Variants in TAFA5 observed in about 807,000 individuals in gnomAD.
TAFA5 encodes TAFA chemokine like family member 5, also known as chemokine-like protein TAFA-5.
In TAFA5, 6 loss-of-function variants were observed where a neutral mutation model predicts 15.3. The observed-to-expected ratio is 0.39, with a 90% confidence interval of 0.21 to 0.77. The LOEUF is 0.77. TAFA5 is among the 30% of genes least tolerant of loss of function. The pLI is 0.41. For synonymous variants in TAFA5, 103 were observed against 80.7 expected (o/e 1.28, Z -1.48); for missense variants, 161 against 193.1 (o/e 0.83, Z 0.98).
chr22:48,603,268 G>A (rs1925041189), intron 1 of TAFA5, among the ~76,000 whole-genome samples: 2 of 152,384 alleles, frequency 1.3e-5, no homozygotes, highest in East Asian at 1.9e-4. Flanking sequence ...TTGAGTGCCC[G>A]GAGGCTGCTC....
intron 1 of TAFA5, among the ~76,000 whole-genome samples, chr22:48,520,093 G>A (rs570842331): frequency 8.5e-5 from 13 of 152,320 alleles, no homozygotes; most frequent in Non-Finnish European, 1.8e-4. Flanking sequence ...TGGAGATGGG[G>A]GTGACGGGCC....
chr22:48,591,014 G>A (rs1924548510), intron 1 of TAFA5, among the ~76,000 whole-genome samples: 2 of 152,078 alleles, frequency 1.3e-5, no homozygotes, highest in African/African-American at 4.8e-5. Context: ...ACCACGCCCA[G>A]CTAATTTTTG....
intron 1 of TAFA5, among the ~76,000 whole-genome samples, chr22:48,631,830 C>T (rs1005101283): frequency 1.3e-5 from 2 of 152,148 alleles, no homozygotes; most frequent in African/African-American, 4.8e-5. Flanking sequence ...AGCAGGGGGC[C>T]TAGGGGGCAG....
intron 2 of TAFA5, among the ~76,000 whole-genome samples, chr22:48,700,573 T>G (rs1298815370): frequency 1.3e-5 from 2 of 149,110 alleles, no homozygotes; most frequent in Non-Finnish European, 2.9e-5. Flanking sequence ...CGGGCCTGGG[T>G]TTCTTCTCCC....
intron 2 of TAFA5, among the ~76,000 whole-genome samples, chr22:48,675,596 G>A (rs745446361): frequency 2.6e-5 from 4 of 152,246 alleles, no homozygotes; most frequent in Admixed American, 6.5e-5. Context: ...GGTGGCGGCC[G>A]TTTTCAACAC....
At chr22:48,494,523 G>C (rs1894542) in intron 1 of TAFA5, among the ~76,000 whole-genome samples, 70,622 of 152,188 alleles carry the variant, frequency 0.46, 19,080 homozygotes, top group African/African-American at 0.75. Context: ...TTGAGGCTGT[G>C]TCAGGGGCCT....
At chr22:48,593,655 C>T (rs908992340) in intron 1 of TAFA5, among the ~76,000 whole-genome samples, 3 of 152,172 alleles carry the variant, frequency 2.0e-5, no homozygotes, top group Admixed American at 6.5e-5. Context: ...TCCTGTTGGG[C>T]GCCTTCTCAC....
At chr22:48,592,489 C>T (rs1464534873) in intron 1 of TAFA5, among the ~76,000 whole-genome samples, 2 of 152,240 alleles carry the variant, frequency 1.3e-5, no homozygotes, top group African/African-American at 4.8e-5. Flanking sequence ...GCCTCATGCC[C>T]AGCCCTGGGT....
At chr22:48,640,376 G>A (rs548994498) in intron 1 of TAFA5, among the ~76,000 whole-genome samples, 4 of 152,326 alleles carry the variant, frequency 2.6e-5, no homozygotes, top group Middle Eastern at 3.4e-3. Context: ...ATGGGCCCAC[G>A]GCCTGCGGAA....
chr22:48,584,456 C>T (rs1924248854), intron 1 of TAFA5, among the ~76,000 whole-genome samples: 1 of 150,766 alleles, frequency 6.6e-6, no homozygotes, highest in Non-Finnish European at 1.5e-5. Context: ...CACACGTACA[C>T]ACCACACACA....
chr22:48,540,228 C>T (rs557973829), intron 1 of TAFA5, among the ~76,000 whole-genome samples: 114 of 152,234 alleles, frequency 7.5e-4, no homozygotes, highest in Non-Finnish European at 1.2e-3. Context: ...ATTCATTTCC[C>T]ACTGCAGCAC....
At chr22:48,685,103 T>C (rs1309188454) in intron 2 of TAFA5, among the ~76,000 whole-genome samples, 1 of 152,154 alleles carries the variant, frequency 6.6e-6, no homozygotes, top group East Asian at 1.9e-4. Flanking sequence ...AAAGGGGAGA[T>C]CTCCAAGGTG....
rs540162851 is a variant in TAFA5 at position 48,690,167 on chromosome 22, G to A, written c.263-17550G>A. Among the ~76,000 whole-genome samples the A allele has an allele frequency of 3.9e-5, 6 of 152,218 alleles. No individual in the cohort carries two copies. In the East Asian group the frequency reaches 9.7e-4, roughly 25 times the overall value. On this transcript the variant is annotated intron_variant, in intron 2 of 3. Transcript: ENST00000402357. ...ATGCTCATAACTGCATTTGTCCTCA[G>A]CCTGCCAGGCAAGGGGACGGGGCTC...
chr22:48,700,684 G>T (rs1397373857), intron 2 of TAFA5, among the ~76,000 whole-genome samples: 2 of 152,154 alleles, frequency 1.3e-5, no homozygotes, highest in African/African-American at 4.8e-5. Context: ...CGCACTCCAG[G>T]GGCAGGGCTC....
chr22:48,595,056 C>T (rs1419683011), intron 1 of TAFA5, among the ~76,000 whole-genome samples: 3 of 152,164 alleles, frequency 2.0e-5, no homozygotes, highest in East Asian at 3.9e-4. Flanking sequence ...AGGAGTGCTG[C>T]CTTGAGCCTG....
intron 2 of TAFA5, among the ~76,000 whole-genome samples, chr22:48,669,966 A>T (rs138347712): frequency 0.015 from 2,296 of 152,052 alleles, 55 homozygotes; most frequent in African/African-American, 0.053. Flanking sequence ...ACAAACTGTG[A>T]CCTCTCCGGG....
chr22:48,686,132 C>T (rs1013495118), intron 2 of TAFA5, among the ~76,000 whole-genome samples: 16 of 152,194 alleles, frequency 1.1e-4, no homozygotes, highest in Admixed American at 6.5e-4. Context: ...TTCCAGCGGG[C>T]AGGTGGAGGA....
chr22:48,673,310 C>T (rs966952510), intron 2 of TAFA5, among the ~76,000 whole-genome samples: 2 of 113,904 alleles, frequency 1.8e-5, no homozygotes, highest in African/African-American at 2.8e-5. Flanking sequence ...GTTTCTGCCT[C>T]TGTGTGTCTC....
At chr22:48,495,837 T>G (rs941602778) in intron 1 of TAFA5, among the ~76,000 whole-genome samples, 1 of 152,070 alleles carries the variant, frequency 6.6e-6, no homozygotes, top group African/African-American at 2.4e-5. Flanking sequence ...CTCACCACAC[T>G]CAGGGCGCCC....
Sources: allele counts gnomAD v4.1 joint callset (sites outside exome capture counted in the v4.1 genomes callset), GRCh38; gene constraint gnomAD v4.1.1; transcripts MANE v1.5; gene names NCBI Gene and HGNC (gene_info 2026-07-23, HGNC 2026-07-21).